Variants in XYLT1 observed in about 807,000 individuals in gnomAD.
XYLT1 encodes the protein xylosyltransferase 1.
In XYLT1, 36 loss-of-function variants were observed where a neutral mutation model predicts 91.3. The ratio of observed to expected loss-of-function variants is 0.39; its 90% CI spans 0.30 to 0.52. The LOEUF is 0.52. Among genes scored for constraint, XYLT1 ranks in the 20% least tolerant of loss-of-function variants. The pLI is 0.68. For missense variants in XYLT1, 1,242 were observed against 1,284.5 expected, an observed-to-expected ratio of 0.97 and a Z score of 0.51; for synonymous variants, 588 against 532.0, an observed-to-expected ratio of 1.11 and a Z score of -1.45.
chr16:17,263,596 G>C (rs1467018617), intron 2 of XYLT1, among the ~76,000 whole-genome samples: 1 of 151,802 alleles, frequency 6.6e-6, no homozygotes, highest in African/African-American at 2.4e-5. Context: ...GTCAGAGAGA[G>C]GCGCAGTCAG....
In XYLT1 at chr16:17,359,558, G is replaced by C. The variant is rs146012903; in HGVS notation, c.364-1508C>G. Among the ~76,000 whole-genome samples, 124 of 152,268 alleles carry C rather than the reference G, an allele frequency of 8.1e-4. 1 individual carries two copies. The highest frequency in any genetic ancestry group is 2.9e-3 in the African/African-American group (120 of 41,550). The stretch of plus-strand genomic sequence containing the variant: ...ACTCCAATTCTGAGTCCAACTCCCA[G>C]TAATTCTCCATTGGTGTAACTGAAA... On this transcript the variant is annotated intron_variant, in intron 1 of 11. Coordinates refer to ENST00000261381, the MANE Select transcript of XYLT1 (RefSeq NM_022166.4).
At chr16:17,355,695 C>A (rs1280236700) in intron 2 of XYLT1, among the ~76,000 whole-genome samples, 1 of 152,098 alleles carries the variant, frequency 6.6e-6, no homozygotes, top group African/African-American at 2.4e-5. Flanking sequence ...AATCTCAACA[C>A]CATTAGTATT....
chr16:17,412,142 T>G (rs1422761987), intron 1 of XYLT1, among the ~76,000 whole-genome samples: 1 of 152,026 alleles, frequency 6.6e-6, no homozygotes, highest in Non-Finnish European at 1.5e-5. Flanking sequence ...TACCTACAAC[T>G]CCTTCTCTGA....
chr16:17,462,658 A>G (rs1596559353), intron 1 of XYLT1, among the ~76,000 whole-genome samples: 1 of 152,126 alleles, frequency 6.6e-6, no homozygotes, highest in East Asian at 1.9e-4. Flanking sequence ...GAGCGGTCTG[A>G]AGGAATGGAG....
At chr16:17,186,467 A>AT (rs55895412) in intron 5 of XYLT1, among the ~76,000 whole-genome samples, 2,982 of 132,390 alleles carry the variant, frequency 0.023, 58 homozygotes, top group African/African-American at 0.032. Context: ...CACCTGGTTA[A>AT]TTTTTTTTTT....
intron 5 of XYLT1, among the ~76,000 whole-genome samples, chr16:17,175,427 T>A (rs566506072): frequency 6.6e-6 from 1 of 152,308 alleles, no homozygotes; most frequent in East Asian, 1.9e-4. Context: ...CATATTATCA[T>A]TATCACCCAT....
chr16:17,313,086 A>G (rs1390623144), intron 2 of XYLT1, among the ~76,000 whole-genome samples: 1 of 152,192 alleles, frequency 6.6e-6, no homozygotes, highest in Non-Finnish European at 1.5e-5. Flanking sequence ...TCCCAGCTCA[A>G]AGGTGTGCCT....
intron 2 of XYLT1, among the ~76,000 whole-genome samples, chr16:17,337,136 T>G (rs988644642): frequency 6.6e-6 from 1 of 152,154 alleles, no homozygotes; most frequent in African/African-American, 2.4e-5. Context: ...ATTTTTTGCC[T>G]TTGTTCAGTG....
chr16:17,263,952 A>G (rs144521839), intron 2 of XYLT1, among the ~76,000 whole-genome samples: 2,782 of 152,174 alleles, frequency 0.018, 99 homozygotes, highest in Admixed American at 0.1. Context: ...CAGGTGATCC[A>G]CCCACATCAA....
intron 1 of XYLT1, among the ~76,000 whole-genome samples, chr16:17,360,056 T>C (rs965835406): frequency 1.3e-5 from 2 of 152,170 alleles, no homozygotes; most frequent in Non-Finnish European, 2.9e-5. Context: ...TGTCTGTCTG[T>C]CTGTCCATTC....
intron 3 of XYLT1, among the ~76,000 whole-genome samples, chr16:17,230,197 C>T (rs551083595): frequency 1.5e-4 from 23 of 152,282 alleles, no homozygotes; most frequent in East Asian, 5.8e-4. Flanking sequence ...CTGGTTGAAG[C>T]GATTTGTTAT....
intron 2 of XYLT1, among the ~76,000 whole-genome samples, chr16:17,274,723 A>G (rs188249405): frequency 6.6e-6 from 1 of 152,272 alleles, no homozygotes; most frequent in Admixed American, 6.5e-5. Flanking sequence ...CAAGACAGAC[A>G]AAGGAAAAAA....
intron 1 of XYLT1, among the ~76,000 whole-genome samples, chr16:17,430,061 C>T (rs1596541572): frequency 6.6e-6 from 1 of 151,730 alleles, no homozygotes; most frequent in East Asian, 1.9e-4. Context: ...CTCAGCCCCC[C>T]AAGTAGCTGG....
At chr16:17,223,587 C>T (rs375928163) in intron 3 of XYLT1, among the ~76,000 whole-genome samples, 50 of 152,306 alleles carry the variant, frequency 3.3e-4, no homozygotes, top group African/African-American at 1.2e-3. Flanking sequence ...CAGAAGAGCA[C>T]GGTGACCTTG....
intron 9 of XYLT1, among the ~76,000 whole-genome samples, chr16:17,129,615 G>T (rs187303666): frequency 6.6e-6 from 1 of 152,160 alleles, no homozygotes; most frequent in Admixed American, 6.6e-5. Flanking sequence ...GTGTTTGGTT[G>T]CATGAGTAAG....
Position 17,263,398 on chromosome 16 carries a change from C to T in XYLT1, c.403-3900G>A, listed in dbSNP as rs143811921. ...TCTGATGGGACTCATGATTAATACC[C>T]GCTCTCTACTCAAGACAGGCCACCA... On this transcript the variant is annotated intron_variant, in intron 2 of 11. Coordinates refer to ENST00000261381, the MANE Select transcript of XYLT1 (RefSeq NM_022166.4). Among the ~76,000 whole-genome samples, 8 of 152,172 alleles carry T rather than the reference C, an allele frequency of 5.3e-5. No individual in the cohort carries two copies. The East Asian group carries it at 7.7e-4, about 15-fold the overall frequency.
chr16:17,266,071 A>G (rs1216079324), intron 2 of XYLT1, among the ~76,000 whole-genome samples: 1 of 152,204 alleles, frequency 6.6e-6, no homozygotes, highest in Non-Finnish European at 1.5e-5. Context: ...AGAGACCAGG[A>G]ACTGAGGACA....
At chr16:17,390,445 C>T (rs563891819) in intron 1 of XYLT1, among the ~76,000 whole-genome samples, 1 of 152,322 alleles carries the variant, frequency 6.6e-6, no homozygotes, top group East Asian at 1.9e-4. Flanking sequence ...GCCTCTTTAT[C>T]CTTCAGGCCC....
chr16:17,274,087 T>C (rs2033936218), intron 2 of XYLT1, among the ~76,000 whole-genome samples: 1 of 152,098 alleles, frequency 6.6e-6, no homozygotes, highest in African/African-American at 2.4e-5. Flanking sequence ...AATTTTTGTA[T>C]TTTTAGTAGA....
Sources: allele counts gnomAD v4.1 joint callset (sites outside exome capture counted in the v4.1 genomes callset), GRCh38; gene constraint gnomAD v4.1.1; transcripts MANE v1.5; gene names NCBI Gene and HGNC (gene_info 2026-07-23, HGNC 2026-07-21).